The following CNTN4 variants were observed in gnomAD, a reference collection of about 807,000 sequenced individuals.
CNTN4 encodes contactin 4, also known as contactin-4.
Under a neutral mutation model 122.5 loss-of-function variants are expected in CNTN4, and 77 were observed. The observed-to-expected ratio is 0.63, with a 90% CI of 0.52 to 0.76. The LOEUF (loss-of-function observed/expected upper bound fraction) is 0.76. Among genes scored for constraint, CNTN4 ranks in the 30% least tolerant of loss-of-function variants. The pLI is 0.00. For missense variants in CNTN4, 1,256 were observed against 1,259.1 expected (o/e 1.00, Z 0.04); for synonymous variants, 512 against 447.0 (o/e 1.15, Z -1.83).
At chr3:2,436,733 T>C (rs977696973) in intron 3 of CNTN4, among the ~76,000 whole-genome samples, 11 of 151,306 alleles carry the variant, frequency 7.3e-5, no homozygotes, top group Non-Finnish European at 1.3e-4. Context: ...GTCTCTTATA[T>C]CTTTTATTTT....
intron 13 of CNTN4, among the ~76,000 whole-genome samples, chr3:2,929,343 G>A (rs1331447231): frequency 2.0e-5 from 3 of 152,026 alleles, no homozygotes; most frequent in African/African-American, 7.3e-5. Context: ...GGTACTTTGA[G>A]GCAGGTAAGA....
intron 2 of CNTN4, among the ~76,000 whole-genome samples, chr3:2,200,686 G>A (rs1001845969): frequency 6.6e-6 from 1 of 152,184 alleles, no homozygotes; most frequent in Non-Finnish European, 1.5e-5. Context: ...ATGCTCTGCA[G>A]AGACAAAGTG....
intron 3 of CNTN4, among the ~76,000 whole-genome samples, chr3:2,356,413 C>G (rs960493523): frequency 1.3e-5 from 2 of 152,118 alleles, no homozygotes; most frequent in Non-Finnish European, 2.9e-5. Flanking sequence ...CTTTTTAGAC[C>G]GTATAGGGTA....
intron 2 of CNTN4, among the ~76,000 whole-genome samples, chr3:2,170,248 A>G (rs6789159): frequency 0.64 from 96,775 of 150,264 alleles, 31,440 homozygotes; most frequent in Non-Finnish European, 0.69. Context: ...GGAACCCGGG[A>G]GGCGGAGCTT....
chr3:2,113,306 T>C (rs2033102447), intron 2 of CNTN4, among the ~76,000 whole-genome samples: 1 of 152,218 alleles, frequency 6.6e-6, no homozygotes, highest in African/African-American at 2.4e-5. Flanking sequence ...TGCATTCTAG[T>C]TGGGTCTAGA....
At chr3:2,682,915 T>C (rs2675308) in intron 4 of CNTN4, among the ~76,000 whole-genome samples, 71,377 of 151,892 alleles carry the variant, frequency 0.47, 18,868 homozygotes, top group African/African-American at 0.72. Flanking sequence ...GAGTAGATTT[T>C]CTCTGCCGCC....
intron 2 of CNTN4, among the ~76,000 whole-genome samples, chr3:2,307,434 C>CAAA (rs61558669): frequency 2.4e-5 from 3 of 124,514 alleles, no homozygotes; most frequent in African/African-American, 8.2e-5. Flanking sequence ...GACTCCATCT[C>CAAA]AAAAAAAAAA....
In CNTN4 at chr3:2,353,677, T is replaced by C. The variant is rs575618453; in HGVS notation, c.-89+14444T>C. On this transcript the variant is annotated intron_variant, in intron 3 of 24. Transcript: ENST00000418658. ...CTCACCGTGAGGGTCTGCAGCTTCATTCTTGAAGTCAGCGAGACCAAGAAC... is the reference window on the plus strand; with the variant it reads ...CTCACCGTGAGGGTCTGCAGCTTCACTCTTGAAGTCAGCGAGACCAAGAAC... Among the ~76,000 whole-genome samples the C allele has an allele frequency of 2.0e-5, 3 of 152,174 alleles. No individual in the cohort carries two copies. In the East Asian group the frequency reaches 5.8e-4, roughly 30 times the overall value.
intron 3 of CNTN4, among the ~76,000 whole-genome samples, chr3:2,467,312 C>A (rs576295719): frequency 6.6e-6 from 1 of 152,064 alleles, no homozygotes; most frequent in African/African-American, 2.4e-5. Flanking sequence ...ATAGTTTGGC[C>A]TCTCAGTGCA....
At chr3:2,570,781 C>A (rs1409447525) in intron 3 of CNTN4, among the ~76,000 whole-genome samples, 2 of 152,274 alleles carry the variant, frequency 1.3e-5, no homozygotes, top group Non-Finnish European at 2.9e-5. Context: ...TCTTGGCTAA[C>A]AGAAGTATTA....
At chr3:2,629,708 C>G (rs1460129361) in intron 4 of CNTN4, 2 of 323,284 alleles carry the variant, frequency 6.2e-6, no homozygotes, top group Non-Finnish European at 1.2e-5. Context: ...TTGTCATAAT[C>G]AAAATCGGTT....
At chr3:2,806,273 T>G (rs2092466484) in intron 6 of CNTN4, among the ~76,000 whole-genome samples, 1 of 152,188 alleles carries the variant, frequency 6.6e-6, no homozygotes, top group South Asian at 2.1e-4. Flanking sequence ...CATACTTTCT[T>G]TACACCTTAC....
intron 6 of CNTN4, among the ~76,000 whole-genome samples, chr3:2,746,892 G>A (rs925821): frequency 0.91 from 137,856 of 152,262 alleles, 62,850 homozygotes; most frequent in Non-Finnish European, 0.97. Context: ...GAACCAAAGT[G>A]TTTCTTTCTC....
chr3:2,512,479 AT>A (rs1394087889), intron 3 of CNTN4, among the ~76,000 whole-genome samples: 7 of 152,298 alleles, frequency 4.6e-5, no homozygotes, highest in African/African-American at 1.7e-4. Flanking sequence ...TGCTATTAGA[AT>A]TTAATATTGT....
At chr3:3,054,927 G>T (rs9820768) in intron 24 of CNTN4, among the ~76,000 whole-genome samples, 7,811 of 152,274 alleles carry the variant, frequency 0.051, 277 homozygotes, top group Admixed American at 0.11. Context: ...TTTCAGTCTG[G>T]AGATTAGGGG....
At chr3:2,777,065 C>A (rs546071417) in intron 6 of CNTN4, among the ~76,000 whole-genome samples, 1 of 152,288 alleles carries the variant, frequency 6.6e-6, no homozygotes, top group East Asian at 1.9e-4. Context: ...ACTGCAACCT[C>A]TGCCTCCCAG....
At chr3:2,634,676 G>GA (rs10655083) in intron 4 of CNTN4, among the ~76,000 whole-genome samples, 43,580 of 134,274 alleles carry the variant, frequency 0.32, 7,285 homozygotes, top group East Asian at 0.58. Context: ...TAAAAATACA[G>GA]AAAAAAAAAA....
At chr3:2,496,602 GGAAAGCA>G (rs1430453791) in intron 3 of CNTN4, among the ~76,000 whole-genome samples, 3 of 152,040 alleles carry the variant, frequency 2.0e-5, no homozygotes, top group Non-Finnish European at 4.4e-5. Flanking sequence ...ATGGGTGGTT[GGAAAGCA>G]GAACAGAAGG....
At chr3:2,317,103 C>T (rs556444619) in intron 2 of CNTN4, among the ~76,000 whole-genome samples, 68 of 152,318 alleles carry the variant, frequency 4.5e-4, no homozygotes, top group African/African-American at 1.6e-3. Flanking sequence ...ATCAATACTA[C>T]CTATTTTGTT....
Sources: allele counts gnomAD v4.1 joint callset (sites outside exome capture counted in the v4.1 genomes callset), GRCh38; gene constraint gnomAD v4.1.1; transcripts MANE v1.5; gene names NCBI Gene and HGNC (gene_info 2026-07-23, HGNC 2026-07-21).